GALNT14: variants seen among roughly 807,000 people sequenced by gnomAD.
GALNT14 encodes the protein UDP-GalNAc:polypeptide N-acetylgalactosaminyltransferase 14.
Under a neutral mutation model 77.5 loss-of-function variants are expected in GALNT14, and 60 were observed. The ratio of observed to expected loss-of-function variants is 0.77; its 90% CI spans 0.63 to 0.96. The LOEUF (loss-of-function observed/expected upper bound fraction) is 0.96. Among genes scored for constraint, GALNT14 ranks in the 40% least tolerant of loss-of-function variants. The pLI, the probability that GALNT14 is intolerant of heterozygous loss-of-function variation, is 0.00. For synonymous variants in GALNT14, 280 were observed against 281.7 expected, an observed-to-expected ratio of 0.99 and a Z score of 0.06; for missense variants, 710 against 731.0, an observed-to-expected ratio of 0.97 and a Z score of 0.33.
chr2:30,949,740 C>T (rs993473852), intron 6 of GALNT14, among the ~76,000 whole-genome samples: 1 of 152,264 alleles, frequency 6.6e-6, no homozygotes, highest in African/African-American at 2.4e-5. Context: ...TCAACCAGCA[C>T]TCCTGAGCAC....
At position 30,945,889 on chromosome 2, in the gene GALNT14, G is replaced by A. The variant is rs200006895; in HGVS notation, c.655-19C>T. On this transcript the variant is annotated intron_variant, in intron 6 of 14. Transcript: ENST00000349752. ...TGTAGTCCTGTAAGACAACAGACCCGCACTTAGCTTATGGAGAGGAGCCCA... is the reference window on the plus strand; with the variant it reads ...TGTAGTCCTGTAAGACAACAGACCCACACTTAGCTTATGGAGAGGAGCCCA... 43 of 1,608,972 alleles carry A rather than the reference G, an allele frequency of 2.7e-5. 2 individuals are homozygous for A. The South Asian group carries it at 3.3e-4, about 12-fold the overall frequency.
intron 6 of GALNT14, among the ~76,000 whole-genome samples, chr2:30,955,017 G>A (rs912489551): frequency 3.3e-5 from 5 of 152,194 alleles, no homozygotes; most frequent in African/African-American, 1.2e-4. Context: ...AGACTTCAGG[G>A]AATATAAAAT....
At chr2:31,064,461 AG>A (rs1297822803) in intron 1 of GALNT14, among the ~76,000 whole-genome samples, 1 of 152,228 alleles carries the variant, frequency 6.6e-6, no homozygotes, top group Non-Finnish European at 1.5e-5. Context: ...CGAAAACCAA[AG>A]GAACTCCACT....
chr2:31,098,902 GATC>G (rs1221129636), intron 1 of GALNT14, among the ~76,000 whole-genome samples: 3 of 152,082 alleles, frequency 2.0e-5, no homozygotes, highest in Non-Finnish European at 4.4e-5. Context: ...AGCGGAAGAG[GATC>G]ATCATCAAGA....
At chr2:30,995,361 G>A (rs1669965291) in intron 1 of GALNT14, among the ~76,000 whole-genome samples, 1 of 152,132 alleles carries the variant, frequency 6.6e-6, no homozygotes, top group Admixed American at 6.5e-5. Context: ...TTCGGTGTAG[G>A]AACAGCTGTA....
chr2:31,138,140 G>A lies in GALNT14; in HGVS notation c.-54C>T. 1 of 1,611,980 alleles carries A rather than the reference G, an allele frequency of 6.2e-7. No homozygotes were observed. The highest frequency in any genetic ancestry group is 8.5e-7 in the Non-Finnish European group (1 of 1,178,968). On this transcript the variant is annotated 5_prime_UTR_variant, in exon 1 of 15. Transcript: ENST00000349752. ...CGCTACGTCCCGGGGGCACCCCCCG[G>A]CGGTCAGGGTTGGCGGGGCAGGAGT...
At chr2:31,086,963 G>C (rs11686425) in intron 1 of GALNT14, among the ~76,000 whole-genome samples, 93,515 of 152,024 alleles carry the variant, frequency 0.62, 29,722 homozygotes, top group African/African-American at 0.79. Flanking sequence ...TTTAAAGCAA[G>C]CACTTAATTA....
intron 1 of GALNT14, among the ~76,000 whole-genome samples, chr2:31,014,374 A>G (rs574513478): frequency 3.4e-4 from 52 of 152,256 alleles, no homozygotes; most frequent in African/African-American, 1.3e-3. Flanking sequence ...GTTGCAACTC[A>G]TTGCAGGGAG....
intron 1 of GALNT14, among the ~76,000 whole-genome samples, chr2:31,011,473 C>G (rs1246170923): frequency 2.0e-5 from 3 of 152,130 alleles, no homozygotes; most frequent in African/African-American, 7.2e-5. Flanking sequence ...ATAGCAGAGG[C>G]ATCCTTAACT....
the GALNT14 span, among the ~76,000 whole-genome samples, chr2:30,895,685 T>C: frequency 6.6e-6 from 1 of 151,980 alleles, no homozygotes; most frequent in African/African-American, 2.4e-5. Context: ...TCCAATTCTC[T>C]GCAAAGCTTT....
chr2:30,958,471 G>A lies in GALNT14; in HGVS notation c.399-7C>T, dbSNP rs1236529787. The A allele has an allele frequency of 6.2e-7, 1 of 1,612,994 alleles. No homozygotes were observed. The highest frequency in any genetic ancestry group is 1.7e-5 in the Admixed American group (1 of 59,950). ...AGGGGTGCGGTTTAATACACTGCAA[G>A]ATGGAAACAGAAAAAAATCACTGGA... On this transcript the variant is annotated splice_region_variant and splice_polypyrimidine_tract_variant and intron_variant, in intron 3 of 14. Coordinates refer to ENST00000349752, the MANE Select transcript of GALNT14 (RefSeq NM_024572.4).
At chr2:31,080,080 G>A (rs1020091353) in intron 1 of GALNT14, among the ~76,000 whole-genome samples, 1 of 152,204 alleles carries the variant, frequency 6.6e-6, no homozygotes, top group Admixed American at 6.5e-5. Context: ...CAGTGCATGG[G>A]GCAAAATCAG....
At chr2:31,066,358 C>T (rs1398385603) in intron 1 of GALNT14, among the ~76,000 whole-genome samples, 2 of 151,292 alleles carry the variant, frequency 1.3e-5, no homozygotes, top group East Asian at 3.9e-4. Context: ...CTCGACAGGG[C>T]CATTACTCAC....
intron 1 of GALNT14, among the ~76,000 whole-genome samples, chr2:31,117,247 A>G (rs1241391054): frequency 2.0e-5 from 3 of 152,202 alleles, no homozygotes; most frequent in African/African-American, 7.2e-5. Context: ...ATTGAGAAAC[A>G]TGCTCCTACC....
At chr2:31,125,616 T>G (rs926955190) in intron 1 of GALNT14, among the ~76,000 whole-genome samples, 1 of 152,206 alleles carries the variant, frequency 6.6e-6, no homozygotes, top group Non-Finnish European at 1.5e-5. Flanking sequence ...TAAAAAGGAC[T>G]AAGTGTAAAA....
chr2:31,091,723 G>A (rs1676752636), intron 1 of GALNT14, among the ~76,000 whole-genome samples: 1 of 152,222 alleles, frequency 6.6e-6, no homozygotes, highest in South Asian at 2.1e-4. Flanking sequence ...TCTTCTCGCT[G>A]TTGCCTAACA....
At chr2:30,974,821 T>C (rs1668544705) in intron 2 of GALNT14, among the ~76,000 whole-genome samples, 1 of 152,186 alleles carries the variant, frequency 6.6e-6, no homozygotes, top group African/African-American at 2.4e-5. Context: ...TATTTGTAGT[T>C]GTAACCTCAA....
chr2:30,928,827 G>T (rs377205291), intron 11 of GALNT14, among the ~76,000 whole-genome samples: 3 of 152,102 alleles, frequency 2.0e-5, no homozygotes, highest in African/African-American at 7.2e-5. Flanking sequence ...ATATTGGCCA[G>T]GCGGGTCTCA....
chr2:30,920,216 G>C (rs779282279), intron 13 of GALNT14, among the ~76,000 whole-genome samples: 1 of 152,196 alleles, frequency 6.6e-6, no homozygotes, highest in Non-Finnish European at 1.5e-5. Flanking sequence ...GTTATTGGTA[G>C]GATATGACTT....
Sources: gnomAD v4.1 joint callset for allele counts (sites outside exome capture counted in the v4.1 genomes callset) on GRCh38, gnomAD v4.1.1 for gene constraint, MANE v1.5 for transcripts, NCBI Gene and HGNC (gene_info 2026-07-23, HGNC 2026-07-21) for gene names.